The following GABRA5 variants were observed in gnomAD, a reference collection of about 807,000 sequenced individuals.
GABRA5 encodes the protein gamma-aminobutyric acid type A receptor subunit alpha5, also known as gamma-aminobutyric acid receptor subunit alpha-5.
In GABRA5, 18 loss-of-function variants were observed where a neutral mutation model predicts 47.3. The observed-to-expected ratio is 0.38, with a 90% CI of 0.26 to 0.56. GABRA5 has a LOEUF of 0.56. Ranked by LOEUF, GABRA5 falls within the 20% of genes least tolerant of loss-of-function variation. The pLI is 0.71. For missense variants in GABRA5, 365 were observed against 599.3 expected (o/e 0.61, Z 4.08); for synonymous variants, 237 against 229.3 (o/e 1.03, Z -0.30).
intron 6 of GABRA5, among the ~76,000 whole-genome samples, chr15:26,913,452 G>C (rs1409648457): frequency 6.6e-6 from 1 of 152,092 alleles, no homozygotes. Flanking sequence ...AACAGCAAAA[G>C]GTTAATCTAT....
At chr15:26,881,522 G>A (rs183804182) in intron 4 of GABRA5, among the ~76,000 whole-genome samples, 41 of 152,266 alleles carry the variant, frequency 2.7e-4, no homozygotes, top group Non-Finnish European at 4.6e-4. Context: ...GATTGTTCTT[G>A]TAGGGCACAC....
chr15:26,913,920 G>A (rs1392585874), intron 6 of GABRA5, among the ~76,000 whole-genome samples: 1 of 152,142 alleles, frequency 6.6e-6, no homozygotes, highest in Non-Finnish European at 1.5e-5. Context: ...CCACCACTGA[G>A]CAGCTCTGCA....
At chr15:26,891,903 C>G (rs759925793) in intron 6 of GABRA5, among the ~76,000 whole-genome samples, 2 of 152,248 alleles carry the variant, frequency 1.3e-5, no homozygotes, top group Non-Finnish European at 2.9e-5. Flanking sequence ...GTCCCTTAAG[C>G]AGGCCGAAAC....
chr15:26,880,621 T>G (rs1892705322), intron 3 of GABRA5: 1 of 408,594 alleles, frequency 2.4e-6, no homozygotes, highest in Non-Finnish European at 4.4e-6. Context: ...ACTTTGAGCC[T>G]CAGGTTAGGT....
At chr15:26,940,141 C>T in intron 9 of GABRA5, 64 bp downstream of exon 9, 1 of 1,432,366 alleles carries the variant, frequency 7.0e-7, no homozygotes, top group East Asian at 2.4e-5. Flanking sequence ...CACCCGGAAG[C>T]AACAGCAACA....
rs992811669 is a variant in GABRA5, at chr15:26,883,609, C to T, written c.497+52C>T. The T allele has an allele frequency of 2.9e-6, 4 of 1,378,890 alleles. No individual in the cohort carries two copies. The highest frequency in any genetic ancestry group is 5.2e-5 in the East Asian group (2 of 38,782). The allele number at this position is 1,378,890 out of a possible 1,614,324, so 85.4% of individuals were successfully genotyped here. ...GCCGGGGGACGGTGCGGGGCAGGCG[C>T]GGCTGCCCATCCTGCCGCAAGAGCT... On this transcript the variant is annotated intron_variant, in intron 6 of 10. Transcript: ENST00000335625. This position sits in a 1 kb window ranked among gnomAD's most constrained non-coding sequence, Gnocchi z 4.8.
chr15:26,937,648 G>A (rs1444708789), intron 8 of GABRA5, among the ~76,000 whole-genome samples: 2 of 152,202 alleles, frequency 1.3e-5, no homozygotes, highest in Non-Finnish European at 2.9e-5. Context: ...CCAGTTACCT[G>A]CTTCCCCACC....
chr15:26,887,398 C>T (rs564655176), intron 6 of GABRA5, among the ~76,000 whole-genome samples: 17 of 152,230 alleles, frequency 1.1e-4, no homozygotes, highest in African/African-American at 3.4e-4. Flanking sequence ...GGCGTGATCT[C>T]GGCTCATTGC....
chr15:26,929,302 G>A (rs937146174), intron 7 of GABRA5, among the ~76,000 whole-genome samples: 2 of 152,244 alleles, frequency 1.3e-5, no homozygotes, highest in African/African-American at 4.8e-5. Flanking sequence ...GAAGAAGTGA[G>A]AAGGAAGAAG....
intron 1 of GABRA5, chr15:26,868,191 C>T (rs2140238218): frequency 6.6e-6 from 1 of 152,086 alleles, no homozygotes; most frequent in African/African-American, 2.4e-5. Context: ...GAGGCGCCGC[C>T]CGGGTTTCCC....
At chr15:26,919,995 A>C (rs1372548930) in intron 7 of GABRA5, among the ~76,000 whole-genome samples, 1 of 151,888 alleles carries the variant, frequency 6.6e-6, no homozygotes, top group Non-Finnish European at 1.5e-5. Context: ...ATGACTATTT[A>C]TAACAACTGG....
At chr15:26,895,414 G>C (rs1183145686) in intron 6 of GABRA5, among the ~76,000 whole-genome samples, 1 of 151,986 alleles carries the variant, frequency 6.6e-6, no homozygotes, top group African/African-American at 2.4e-5. Flanking sequence ...ATTCTGCTTG[G>C]GGTGCAATCC....
Position 26,910,653 on chromosome 15 carries a change from A to G in GABRA5, c.498-4150A>G, listed in dbSNP as rs140438338. ...CCTAAAATCAAGATGTTCTTCAAAA[A>G]TGGGACATTATGCTTCAGTAAGTGA... On this transcript the variant is annotated intron_variant, in intron 6 of 10. Coordinates refer to ENST00000335625, the MANE Select transcript of GABRA5 (RefSeq NM_000810.4). 6.6e-5 allele frequency among the ~76,000 whole-genome samples: 10 copies of G among 152,000 alleles called. No homozygotes were observed. The East Asian group carries it at 1.9e-3, about 29-fold the overall frequency.
At chr15:26,881,536 G>A (rs1196601717) in intron 4 of GABRA5, among the ~76,000 whole-genome samples, 1 of 152,138 alleles carries the variant, frequency 6.6e-6, no homozygotes, top group African/African-American at 2.4e-5. Context: ...GGCACACCTG[G>A]CACAGCTTCA....
At chr15:26,915,836 T>C (rs1893705338) in intron 7 of GABRA5, among the ~76,000 whole-genome samples, 1 of 152,208 alleles carries the variant, frequency 6.6e-6, no homozygotes, top group African/African-American at 2.4e-5. Context: ...GGCAAGTTAA[T>C]TAGACTCTCT....
At chr15:26,875,718 G>A (rs761159506) in intron 3 of GABRA5, among the ~76,000 whole-genome samples, 3 of 152,004 alleles carry the variant, frequency 2.0e-5, no homozygotes, top group Non-Finnish European at 4.4e-5. Context: ...TCGTCAGGGA[G>A]GAAGGGCTGG....
intron 3 of GABRA5, among the ~76,000 whole-genome samples, chr15:26,873,166 T>C (rs1196124437): frequency 1.3e-5 from 2 of 152,170 alleles, no homozygotes; most frequent in African/African-American, 2.4e-5. Flanking sequence ...GTACATAGTA[T>C]AGAAAAACCA....
intron 6 of GABRA5, among the ~76,000 whole-genome samples, chr15:26,897,821 G>A (rs35509215): frequency 0.35 from 53,527 of 151,912 alleles, 10,921 homozygotes; most frequent in Middle Eastern, 0.46. Flanking sequence ...ATCACATGTC[G>A]AACATCCCCT....
chr15:26,871,456 C>T (rs1008445183), intron 3 of GABRA5, among the ~76,000 whole-genome samples: 1 of 152,146 alleles, frequency 6.6e-6, no homozygotes, highest in Non-Finnish European at 1.5e-5. Flanking sequence ...TAAAATACCC[C>T]TCAAACTTTC....
Sources: allele counts gnomAD v4.1 joint callset (sites outside exome capture counted in the v4.1 genomes callset), GRCh38; gene constraint gnomAD v4.1.1; non-coding constraint Gnocchi (gnomAD v3.1); transcripts MANE v1.5; gene names NCBI Gene and HGNC (gene_info 2026-07-23, HGNC 2026-07-21).